The following PCDHGB4 variants were observed in gnomAD, a reference collection of about 807,000 sequenced individuals.
PCDHGB4 encodes the protein protocadherin gamma-B4.
In PCDHGB4, 38 loss-of-function variants were observed where a neutral mutation model predicts 60.5. The observed-to-expected ratio is 0.63, with a 90% CI of 0.48 to 0.82. The LOEUF (loss-of-function observed/expected upper bound fraction) is 0.82. PCDHGB4 is among the 40% of genes least tolerant of loss of function. The pLI is 0.00. For missense variants in PCDHGB4, 1,109 were observed against 1,209.6 expected (o/e 0.92, Z 1.23); for synonymous variants, 456 against 509.7 (o/e 0.89, Z 1.42).
intron 1 of PCDHGB4, chr5:141,404,610 T>G (rs1207198913): frequency 6.2e-7 from 1 of 1,614,130 alleles, no homozygotes. Context: ...CTGTTTGTTT[T>G]GGACCAGAAT....
In PCDHGB4 at chr5:141,489,372, G is replaced by A. The variant is rs1335356378; in HGVS notation, c.2398-5435G>A. 2 of 1,613,814 alleles carry A rather than the reference G, an allele frequency of 1.2e-6. No individual in the cohort carries two copies. Among genetic ancestry groups the A allele is most frequent in the Non-Finnish European group, 1.7e-6 (2 of 1,179,700 alleles). On this transcript the variant is annotated intron_variant, in intron 1 of 3. Transcript: ENST00000519479. The surrounding 1 kb of genome is among the most constrained non-coding windows in gnomAD (Gnocchi z 4.5). ...TGGAGGAGTCTGAGCCGGGGACGCT[G>A]GTGGGGAATGTTGCTCAGGATCTGG...
intron 1 of PCDHGB4, among the ~76,000 whole-genome samples, chr5:141,397,021 AC>A (rs1313075505): frequency 6.6e-6 from 1 of 152,234 alleles, no homozygotes; most frequent in Non-Finnish European, 1.5e-5. Context: ...AAGAAGGTTG[AC>A]CAATGTCCAC....
At chr5:141,461,799 G>T (rs1025237561) in intron 1 of PCDHGB4, among the ~76,000 whole-genome samples, 5 of 151,188 alleles carry the variant, frequency 3.3e-5, no homozygotes, top group Admixed American at 1.3e-4. Context: ...GATTACAGGT[G>T]CCCACCACCA....
rs748873655 is a variant in PCDHGB4 at position 141,410,002 on chromosome 5, C to A, written c.2397+19721C>A. The A allele has an allele frequency of 1.1e-5, 18 of 1,613,250 alleles. No individual in the cohort carries two copies. Among genetic ancestry groups the A allele is most frequent in the Middle Eastern group, 1.7e-4 (1 of 6,056 alleles). On this transcript the variant is annotated intron_variant, in intron 1 of 3. Coordinates refer to ENST00000519479, the MANE Select transcript of PCDHGB4 (RefSeq NM_003736.4). ...TAGCGGTGGACGCCGACTCGGGACA[C>A]AACGCCTGGCTGTCCTACCACGTGC...
Position 141,388,545 on chromosome 5 carries a change from C to G in PCDHGB4, c.661C>G (p.Pro221Ala). ...TLTALDFGAP[P>A]LSSTAQIHVL... ...GACTGCCTTGGACTTTGGAGCTCCA[C>G]CCCTAAGCAGCACTGCACAGATACA... The change falls in exon 1 of 4, where the codon CCC becomes GCC. Residue 221 changes from proline (P) to alanine (A), a missense_variant. Around this residue, in one of 2 missense-constraint regions of PCDHGB4, gnomAD observed 1,068 missense variants for 1,089.9 expected, o/e 0.98. Coordinates refer to ENST00000519479, the MANE Select transcript of PCDHGB4 (RefSeq NM_003736.4). 6.2e-7 allele frequency: 1 copy of G among 1,613,798 alleles called. No homozygotes were observed.
At position 141,491,458 on chromosome 5, in the gene PCDHGB4, G is replaced by T. The variant is rs867069360; in HGVS notation, c.2398-3349G>T. 1.9e-6 allele frequency: 3 copies of T among 1,613,974 alleles called. No homozygotes were observed. The highest frequency in any genetic ancestry group is 1.6e-4 in the Middle Eastern group (1 of 6,084). On this transcript the variant is annotated intron_variant, in intron 1 of 3. Coordinates refer to ENST00000519479, the MANE Select transcript of PCDHGB4 (RefSeq NM_003736.4). This position sits in a 1 kb window ranked among gnomAD's most constrained non-coding sequence, Gnocchi z 6.9. ...CAGGCGCCAGGACTCACCCTCCCCGGACTTCTATAAGCAGTCCAGCCCCAA... is the reference window on the plus strand; with the variant it reads ...CAGGCGCCAGGACTCACCCTCCCCGTACTTCTATAAGCAGTCCAGCCCCAA...
intron 1 of PCDHGB4, chr5:141,415,573 G>T (rs375863243): frequency 1.9e-6 from 3 of 1,614,022 alleles, no homozygotes; most frequent in South Asian, 2.2e-5. Context: ...TTTGTTAGAT[G>T]ATTCGAAGTT....
Position 141,432,442 on chromosome 5 carries a change from G to A in PCDHGB4, c.2397+42161G>A. 1 of 1,614,228 alleles carries A rather than the reference G, an allele frequency of 6.2e-7. No individual in the cohort carries two copies. Among genetic ancestry groups the A allele is most frequent in the Non-Finnish European group, 8.5e-7 (1 of 1,180,042 alleles). On this transcript the variant is annotated intron_variant, in intron 1 of 3. Transcript: ENST00000519479. The surrounding 1 kb of genome is among the most constrained non-coding windows in gnomAD (Gnocchi z 6.0). ...TGGACCAGAACGACAATGCGCCCGA[G>A]ATCCTGTACCCCGCCCTCCCCACGG...
intron 1 of PCDHGB4, chr5:141,422,758 A>AAC (rs748292321): frequency 6.2e-7 from 1 of 1,613,150 alleles, no homozygotes. Flanking sequence ...TATTAACTCC[A>AAC]ACACTGGTGT....
At chr5:141,497,768 G>A (rs920949258) in intron 2 of PCDHGB4, among the ~76,000 whole-genome samples, 8 of 152,070 alleles carry the variant, frequency 5.3e-5, no homozygotes, top group East Asian at 1.9e-4. Flanking sequence ...CAAACTCCCC[G>A]ACCTCAACTG....
chr5:141,505,053 T>C (rs904041070), intron 2 of PCDHGB4, among the ~76,000 whole-genome samples: 2 of 152,108 alleles, frequency 1.3e-5, no homozygotes, highest in African/African-American at 4.8e-5. Context: ...TCCCAGCTAC[T>C]TGGGAGACTG....
chr5:141,485,362 G>T lies in PCDHGB4; in HGVS notation c.2398-9445G>T. 6.2e-7 allele frequency: 1 copy of T among 1,614,144 alleles called. No individual in the cohort carries two copies. ...ATACGGACAGTCTGTCAGCTCGCAG[G>T]CTGCAGGTCGCTGGAGAGGTGAACC... is the stretch of plus-strand genomic sequence containing the variant. On this transcript the variant is annotated intron_variant, in intron 1 of 3. Coordinates refer to ENST00000519479, the MANE Select transcript of PCDHGB4 (RefSeq NM_003736.4). The surrounding 1 kb of genome is among the most constrained non-coding windows in gnomAD (Gnocchi z 5.7).
chr5:141,439,756 G>A (rs74623862), intron 1 of PCDHGB4: 30 of 152,422 alleles, frequency 2.0e-4, no homozygotes, highest in African/African-American at 7.0e-4. Context: ...CAGGCAATGA[G>A]TTCAGCTCCT....
chr5:141,410,817 ATGTCACCAGACTGAAGATATTTTGTCTT>A, intron 1 of PCDHGB4: 1 of 524,252 alleles, frequency 1.9e-6, no homozygotes, highest in Non-Finnish European at 3.1e-6. Flanking sequence ...TTGTAAAATA[ATGTCACCAGACTGAAGATATTTTGTCTT>A]TGTCTTTTTT....
Position 141,418,518 on chromosome 5 carries a change from C to G in PCDHGB4, c.2397+28237C>G. Reference sequence around the variant, plus strand: ...CTGACCGCCTTAGATGGTGGGGACCCTCCCCGAAGCGGTACTGCTCAGATA... The same window carrying G: ...CTGACCGCCTTAGATGGTGGGGACCGTCCCCGAAGCGGTACTGCTCAGATA... On this transcript the variant is annotated intron_variant, in intron 1 of 3. Coordinates refer to ENST00000519479, the MANE Select transcript of PCDHGB4 (RefSeq NM_003736.4). The G allele has an allele frequency of 2.5e-6, 4 of 1,613,986 alleles. 1 individual carries two copies.
intron 1 of PCDHGB4, chr5:141,404,086 G>A: frequency 6.2e-7 from 1 of 1,613,630 alleles, no homozygotes; most frequent in Non-Finnish European, 8.5e-7. Flanking sequence ...ACTCCGGGAA[G>A]AATGGTCAAG....
intron 1 of PCDHGB4, chr5:141,441,743 C>G (rs1298220876): frequency 2.7e-6 from 1 of 367,284 alleles, no homozygotes; most frequent in Non-Finnish European, 5.4e-6. Flanking sequence ...AGCTCGCGCT[C>G]GGCGTCAACG....
chr5:141,416,308 T>C (rs1472911605), intron 1 of PCDHGB4: 1 of 152,266 alleles, frequency 6.6e-6, no homozygotes, highest in East Asian at 1.9e-4. Context: ...ATGTGGAAGA[T>C]ATAGCATTTT....
At chr5:141,393,377 AGC>A (rs1313389663) in intron 1 of PCDHGB4, 1 of 1,613,966 alleles carries the variant, frequency 6.2e-7, no homozygotes, top group Admixed American at 1.7e-5. Context: ...GAGACAATGG[AGC>A]CATAAACCCA....
Sources: allele counts gnomAD v4.1 joint callset (sites outside exome capture counted in the v4.1 genomes callset), GRCh38; gene constraint gnomAD v4.1.1; regional missense constraint gnomAD v4.1.1; non-coding constraint Gnocchi (gnomAD v3.1); transcripts MANE v1.5; gene names NCBI Gene and HGNC (gene_info 2026-07-23, HGNC 2026-07-21).